The following DAB1 variants were observed in gnomAD, a reference collection of about 807,000 sequenced individuals.
The protein encoded by DAB1 is DAB adaptor protein 1.
In DAB1, 15 loss-of-function variants were observed where a neutral mutation model predicts 64.6. The ratio of observed to expected loss-of-function variants is 0.23; its 90% CI spans 0.16 to 0.36. DAB1 has a LOEUF of 0.36. Among genes scored for constraint, DAB1 ranks in the 10% least tolerant of loss-of-function variants. The pLI is 1.00. For missense variants in DAB1, 596 were observed against 706.7 expected, an observed-to-expected ratio of 0.84 and a Z score of 1.78; for synonymous variants, 235 against 251.9, an observed-to-expected ratio of 0.93 and a Z score of 0.64.
chr1:57,659,137 C>T (rs984833101), intron 6 of DAB1, among the ~76,000 whole-genome samples: 7 of 152,052 alleles, frequency 4.6e-5, no homozygotes, highest in African/African-American at 1.2e-4. Context: ...ACCACAGGGC[C>T]GCCTACCACA....
intron 4 of DAB1, among the ~76,000 whole-genome samples, chr1:57,123,987 T>C (rs142446767): frequency 1.1e-4 from 16 of 152,238 alleles, no homozygotes; most frequent in African/African-American, 3.9e-4. Context: ...AATACTTTTA[T>C]AAACTGAAAA....
intron 2 of DAB1, among the ~76,000 whole-genome samples, chr1:57,271,218 G>GC (rs1408163563): frequency 2.6e-5 from 4 of 152,156 alleles, no homozygotes; most frequent in Admixed American, 6.5e-5. Context: ...CACATAGGGT[G>GC]CCGGATGGCT....
intron 11 of DAB1, among the ~76,000 whole-genome samples, chr1:57,017,590 C>T (rs1271603430): frequency 6.6e-6 from 1 of 152,194 alleles, no homozygotes; most frequent in Non-Finnish European, 1.5e-5. Context: ...TAACAGGAGG[C>T]TCCAGAGAGG....
intron 7 of DAB1, among the ~76,000 whole-genome samples, chr1:57,441,242 A>ATCTTTTCTTTTCTTTTCTTTTCTTT (rs10546051): frequency 6.8e-6 from 1 of 147,526 alleles, no homozygotes; most frequent in African/African-American, 2.5e-5. Context: ...CACAGGTACA[A>ATCTTTTCTTTTCTTTTCTTTTCTTT]TCTTTTCTTT....
chr1:58,232,076 T>C (rs1295550629), intron 4 of DAB1, among the ~76,000 whole-genome samples: 1 of 152,152 alleles, frequency 6.6e-6, no homozygotes. Context: ...AACACCAATA[T>C]CAGTCACTCA....
chr1:58,108,233 A>G (rs963539644), intron 5 of DAB1, among the ~76,000 whole-genome samples: 2 of 152,180 alleles, frequency 1.3e-5, no homozygotes, highest in African/African-American at 4.8e-5. Flanking sequence ...AGGAGACTGA[A>G]GCTGTAGGGA....
chr1:57,769,740 T>C lies in DAB1; in HGVS notation n.551+114259A>G, dbSNP rs75798839. ...AAGAATAACCCAACACCGATAAAAA[T>C]AGAGATGAAATAGAAACTGCTAAGA... On this transcript the variant is annotated intron_variant and non_coding_transcript_variant, in intron 6 of 20. Coordinates refer to the DAB1 transcript ENST00000485760. 7.0e-4 allele frequency among the ~76,000 whole-genome samples: 106 copies of C among 152,226 alleles called. No homozygotes were observed. The East Asian group carries it at 0.016, about 23-fold the overall frequency.
intron 4 of DAB1, among the ~76,000 whole-genome samples, chr1:57,112,726 A>T (rs961236120): frequency 3.3e-5 from 5 of 152,166 alleles, no homozygotes; most frequent in Non-Finnish European, 5.9e-5. Flanking sequence ...ATGTAAGAAG[A>T]TGTACAAACG....
chr1:57,993,600 T>A (rs1646380727), intron 5 of DAB1, among the ~76,000 whole-genome samples: 1 of 152,242 alleles, frequency 6.6e-6, no homozygotes, highest in African/African-American at 2.4e-5. Context: ...CTGATAGTCT[T>A]GTCCTAGTTT....
intron 6 of DAB1, among the ~76,000 whole-genome samples, chr1:57,701,584 C>T (rs1213154736): frequency 6.6e-6 from 1 of 151,842 alleles, no homozygotes; most frequent in Non-Finnish European, 1.5e-5. Context: ...AGGAGATATA[C>T]CTAATGCTAA....
At chr1:57,926,192 C>A (rs141150142) in intron 5 of DAB1, among the ~76,000 whole-genome samples, 2 of 152,132 alleles carry the variant, frequency 1.3e-5, no homozygotes, top group East Asian at 3.9e-4. Context: ...CACAGAATGG[C>A]GAGGACAATG....
intron 1 of DAB1, among the ~76,000 whole-genome samples, chr1:57,368,812 A>G (rs1003434720): frequency 1.3e-5 from 2 of 152,192 alleles, no homozygotes; most frequent in Non-Finnish European, 2.9e-5. Context: ...GTTTCCAGAC[A>G]GAAAGGCGAC....
At chr1:57,131,651 G>A (rs572839405) in intron 4 of DAB1, among the ~76,000 whole-genome samples, 1 of 152,214 alleles carries the variant, frequency 6.6e-6, no homozygotes, top group East Asian at 1.9e-4. Flanking sequence ...TTTTTGATGA[G>A]GCACAAATAA....
chr1:58,512,696 T>C (rs1646098886), intron 2 of DAB1, among the ~76,000 whole-genome samples: 1 of 152,158 alleles, frequency 6.6e-6, no homozygotes, highest in South Asian at 2.1e-4. Context: ...GTATCTAAAG[T>C]AGCAAGCTTG....
intron 1 of DAB1, among the ~76,000 whole-genome samples, chr1:57,340,786 T>A (rs1677510929): frequency 6.6e-6 from 1 of 152,192 alleles, no homozygotes; most frequent in South Asian, 2.1e-4. Flanking sequence ...TTTTAATGGG[T>A]GCAGAAGTTT....
chr1:58,317,734 G>A (rs1662590049), intron 4 of DAB1, among the ~76,000 whole-genome samples: 1 of 152,228 alleles, frequency 6.6e-6, no homozygotes. Flanking sequence ...CCCTGAGCAG[G>A]GAGCTCCTCT....
chr1:58,004,720 C>G (rs1646555238), intron 5 of DAB1, among the ~76,000 whole-genome samples: 1 of 152,050 alleles, frequency 6.6e-6, no homozygotes, highest in Admixed American at 6.6e-5. Context: ...GTGAACAACC[C>G]AAACACACGC....
chr1:57,014,794 G>A, intron 12 of DAB1, 89 bp downstream of exon 12: 21 of 1,070,128 alleles, frequency 2.0e-5, no homozygotes, highest in Non-Finnish European at 2.8e-5. Context: ...TAATGCAAGT[G>A]AGATGAGTTA....
chr1:57,706,682 G>A (rs1394016753), intron 6 of DAB1, among the ~76,000 whole-genome samples: 2 of 151,828 alleles, frequency 1.3e-5, no homozygotes, highest in African/African-American at 4.8e-5. Flanking sequence ...TCCCCCAATG[G>A]TTATATCCTA....
Sources: allele counts gnomAD v4.1 joint callset (sites outside exome capture counted in the v4.1 genomes callset), GRCh38; gene constraint gnomAD v4.1.1; transcripts MANE v1.5; gene names NCBI Gene and HGNC (gene_info 2026-07-23, HGNC 2026-07-21).